VTI1A: variants seen among roughly 807,000 people sequenced by gnomAD.
VTI1A encodes the protein vesicle transport through interaction with t-SNAREs homolog 1A.
VTI1A carries 22 observed loss-of-function variants against 34.9 expected under a neutral mutation model. That is an observed-to-expected ratio of 0.63 (90% CI 0.45 to 0.90). The LOEUF (loss-of-function observed/expected upper bound fraction) is 0.90, where lower values mean the gene tolerates loss of function less well. Among genes scored for constraint, VTI1A ranks in the 40% least tolerant of loss-of-function variants. The pLI, the probability that VTI1A is intolerant of heterozygous loss-of-function variation, is 0.00. For missense variants in VTI1A, 268 were observed against 275.6 expected, an observed-to-expected ratio of 0.97 and a Z score of 0.20; for synonymous variants, 87 against 97.3, an observed-to-expected ratio of 0.89 and a Z score of 0.62.
intron 6 of VTI1A, among the ~76,000 whole-genome samples, chr10:112,668,615 T>G (rs1392196972): frequency 6.6e-6 from 1 of 152,154 alleles, no homozygotes; most frequent in Non-Finnish European, 1.5e-5. Flanking sequence ...CATTTTATTT[T>G]TGTTTATATG....
At chr10:112,491,925 C>T (rs1313712688) in intron 3 of VTI1A, among the ~76,000 whole-genome samples, 1 of 152,184 alleles carries the variant, frequency 6.6e-6, no homozygotes, top group African/African-American at 2.4e-5. Flanking sequence ...TCAATTTTGG[C>T]AGCACATTAG....
intron 3 of VTI1A, among the ~76,000 whole-genome samples, chr10:112,526,588 T>C (rs1174667007): frequency 6.6e-6 from 1 of 152,176 alleles, no homozygotes; most frequent in South Asian, 2.1e-4. Flanking sequence ...GAAAGAAATA[T>C]AGACGTGCTA....
At chr10:112,573,358 T>C (rs575736884) in intron 5 of VTI1A, among the ~76,000 whole-genome samples, 4 of 152,278 alleles carry the variant, frequency 2.6e-5, no homozygotes, top group African/African-American at 7.2e-5. Context: ...TCTAGTACCC[T>C]GCACTTAAAT....
intron 5 of VTI1A, among the ~76,000 whole-genome samples, chr10:112,622,486 G>T (rs996248043): frequency 6.6e-6 from 1 of 151,602 alleles, no homozygotes; most frequent in Non-Finnish European, 1.5e-5. Context: ...GGTGTAATGG[G>T]ATTGGGTAGA....
intron 7 of VTI1A, among the ~76,000 whole-genome samples, chr10:112,803,306 G>A (rs1157973266): frequency 6.6e-6 from 1 of 152,150 alleles, no homozygotes; most frequent in Non-Finnish European, 1.5e-5. Context: ...GATCTCAAGT[G>A]ATCCACCCGC....
At chr10:112,824,142 C>T in the VTI1A span, 1 of 152,450 alleles carries the variant, frequency 6.6e-6, no homozygotes, top group Admixed American at 6.5e-5. Context: ...CAACTCAAGG[C>T]TGGGTCTTTC....
chr10:112,847,912 G>C, the VTI1A span, among the ~76,000 whole-genome samples: 1 of 152,090 alleles, frequency 6.6e-6, no homozygotes, highest in Non-Finnish European at 1.5e-5. Flanking sequence ...GAGGCACCAG[G>C]CATATAAGTA....
intron 5 of VTI1A, among the ~76,000 whole-genome samples, chr10:112,554,858 G>A (rs966019438): frequency 6.6e-6 from 1 of 152,002 alleles, no homozygotes. Flanking sequence ...TTACTTCACT[G>A]TTGAAAGGGT....
At chr10:112,789,418 A>G (rs1713153874) in intron 7 of VTI1A, among the ~76,000 whole-genome samples, 1 of 151,950 alleles carries the variant, frequency 6.6e-6, no homozygotes, top group African/African-American at 2.4e-5. Context: ...GCCATTAATC[A>G]TATTTGTTAT....
intron 3 of VTI1A, among the ~76,000 whole-genome samples, chr10:112,509,254 T>G (rs1849532935): frequency 6.6e-6 from 1 of 152,220 alleles, no homozygotes; most frequent in African/African-American, 2.4e-5. Flanking sequence ...ATATGAGTTC[T>G]TAATCACCGC....
chr10:112,701,344 C>T (rs1376945927), intron 7 of VTI1A, among the ~76,000 whole-genome samples: 4 of 152,262 alleles, frequency 2.6e-5, no homozygotes, highest in East Asian at 1.9e-4. Flanking sequence ...CAGGAATTAG[C>T]GATTACTTCG....
At chr10:112,663,588 T>G (rs1043196654) in intron 5 of VTI1A, among the ~76,000 whole-genome samples, 1 of 152,176 alleles carries the variant, frequency 6.6e-6, no homozygotes, top group Non-Finnish European at 1.5e-5. Flanking sequence ...TTTCCAGATA[T>G]CAGAAATTCA....
chr10:112,613,333 T>G (rs1845391131), intron 5 of VTI1A, among the ~76,000 whole-genome samples: 2 of 152,202 alleles, frequency 1.3e-5, no homozygotes, highest in Non-Finnish European at 2.9e-5. Flanking sequence ...GCTCCTAGAA[T>G]TTTTATCCTA....
At chr10:112,512,006 G>A (rs1254413105) in intron 3 of VTI1A, among the ~76,000 whole-genome samples, 1 of 152,104 alleles carries the variant, frequency 6.6e-6, no homozygotes. Context: ...TTGCTTGTGA[G>A]TAGTGCTACA....
intron 5 of VTI1A, among the ~76,000 whole-genome samples, chr10:112,601,282 C>T (rs1844867003): frequency 6.6e-6 from 1 of 151,944 alleles, no homozygotes; most frequent in Non-Finnish European, 1.5e-5. Flanking sequence ...AGATATTGAC[C>T]ACAGAGAAAC....
chr10:112,830,851 T>TA, the VTI1A span, among the ~76,000 whole-genome samples: 433 of 37,878 alleles, frequency 0.011, 1 homozygote, highest in Non-Finnish European at 0.016. Flanking sequence ...ATATATATAT[T>TA]TTTTTTTTTT....
chr10:112,474,274 C>T (rs959452168), intron 3 of VTI1A, among the ~76,000 whole-genome samples: 4 of 151,896 alleles, frequency 2.6e-5, no homozygotes, highest in South Asian at 2.1e-4. Flanking sequence ...ACTGTGGTCT[C>T]GATCTCCTGA....
At chr10:112,839,915 T>C in the VTI1A span, among the ~76,000 whole-genome samples, 1 of 152,064 alleles carries the variant, frequency 6.6e-6, no homozygotes, top group African/African-American at 2.4e-5. Flanking sequence ...CAACTCCACA[T>C]ACCCAGTACA....
chr10:112,481,438 T>A lies in VTI1A; in HGVS notation c.264+16781T>A, dbSNP rs192113193. On this transcript the variant is annotated intron_variant, in intron 3 of 7. Transcript: ENST00000393077. ...TTGGCCTACCTTAAGCCAATGCCAA[T>A]GGAATGTCTTCATATGAAGTTTTGT... is the stretch of plus-strand genomic sequence containing the variant. 6.6e-5 allele frequency among the ~76,000 whole-genome samples: 10 copies of A among 152,348 alleles called. No homozygotes were observed. The East Asian group carries it at 1.9e-3, about 29-fold the overall frequency.
Sources: gnomAD v4.1 joint callset for allele counts (sites outside exome capture counted in the v4.1 genomes callset) on GRCh38, gnomAD v4.1.1 for gene constraint, MANE v1.5 for transcripts, NCBI Gene and HGNC (gene_info 2026-07-23, HGNC 2026-07-21) for gene names.